EYS: variants seen among roughly 807,000 people sequenced by gnomAD.
EYS encodes protein eyes shut homolog.
In EYS, 250 loss-of-function variants were observed where a neutral mutation model predicts 282.1. The ratio of observed to expected loss-of-function variants is 0.89; its 90% CI spans 0.80 to 0.98. The LOEUF is 0.98. EYS is among the 50% of genes least tolerant of loss of function. The pLI is 0.00. For synonymous variants in EYS, 1,355 were observed against 1,282.9 expected, an observed-to-expected ratio of 1.06 and a Z score of -1.20; for missense variants, 4,016 against 3,709.0, an observed-to-expected ratio of 1.08 and a Z score of -2.15.
intron 29 of EYS, among the ~76,000 whole-genome samples, chr6:64,341,538 A>C (rs1488076085): frequency 6.6e-6 from 1 of 151,708 alleles, no homozygotes; most frequent in Non-Finnish European, 1.5e-5. Flanking sequence ...GCTATGGACT[A>C]CTAGAGGGAG....
At chr6:64,151,309 GTGTATATTTA>G (rs1396386562) in intron 31 of EYS, among the ~76,000 whole-genome samples, 10 of 89,778 alleles carry the variant, frequency 1.1e-4, no homozygotes, top group South Asian at 3.5e-4. Flanking sequence ...ACGTGTGTGT[GTGTATATTTA>G]TATATATATA....
chr6:64,756,643 C>A (rs1289304972), intron 22 of EYS, among the ~76,000 whole-genome samples: 1 of 152,120 alleles, frequency 6.6e-6, no homozygotes, highest in African/African-American at 2.4e-5. Flanking sequence ...GAAAACAGAA[C>A]CTTATTAAAA....
intron 1 of EYS, among the ~76,000 whole-genome samples, chr6:65,701,671 A>AT (rs1300388984): frequency 1.3e-5 from 2 of 151,620 alleles, no homozygotes; most frequent in Admixed American, 6.6e-5. Context: ...TTATTTCTTG[A>AT]TTTTTTTTCT....
chr6:63,753,148 A>ATATATATATATATATATG (rs889418033), intron 41 of EYS, among the ~76,000 whole-genome samples: 5 of 115,632 alleles, frequency 4.3e-5, no homozygotes, highest in Admixed American at 1.7e-4. Flanking sequence ...GTGTATATAT[A>ATATATATATATATATATG]TATATATATA....
intron 14 of EYS, among the ~76,000 whole-genome samples, chr6:64,950,794 T>TAC (rs1187421212): frequency 0.049 from 3,584 of 73,056 alleles, 101 homozygotes; most frequent in Non-Finnish European, 0.061. Context: ...CACATATACA[T>TAC]ATACATATAT....
intron 12 of EYS, among the ~76,000 whole-genome samples, chr6:65,293,988 C>A (rs1204652340): frequency 2.6e-5 from 4 of 151,208 alleles, no homozygotes; most frequent in Non-Finnish European, 5.9e-5. Context: ...GGAGAGAAAG[C>A]AAATGGAGGG....
intron 31 of EYS, among the ~76,000 whole-genome samples, chr6:64,135,900 T>C (rs1214883542): frequency 6.6e-6 from 1 of 152,046 alleles, no homozygotes; most frequent in Non-Finnish European, 1.5e-5. Flanking sequence ...GGGATGGCTA[T>C]GGGCATTTCT....
intron 33 of EYS, among the ~76,000 whole-genome samples, chr6:64,023,706 C>T (rs1401277136): frequency 6.6e-6 from 1 of 152,252 alleles, no homozygotes; most frequent in African/African-American, 2.4e-5. Context: ...CCTGCCGCTG[C>T]ACTGTGGGAG....
intron 30 of EYS, among the ~76,000 whole-genome samples, chr6:64,274,232 G>A (rs1768032881): frequency 2.0e-5 from 3 of 152,174 alleles, no homozygotes; most frequent in Admixed American, 1.3e-4. Context: ...CCTGAGTGCA[G>A]TAGTGTGATC....
chr6:65,438,036 G>GT (rs1768147127), intron 5 of EYS, among the ~76,000 whole-genome samples: 1 of 128,270 alleles, frequency 7.8e-6, no homozygotes, highest in African/African-American at 3.0e-5. Context: ...GCCTCAGTGT[G>GT]TGATGTTCCC....
chr6:65,459,550 C>T (rs1327590970), intron 5 of EYS, among the ~76,000 whole-genome samples: 1 of 151,666 alleles, frequency 6.6e-6, no homozygotes, highest in Non-Finnish European at 1.5e-5. Context: ...TTAAATCTGA[C>T]AATTTAATGA....
At chr6:64,436,799 A>G (rs976708452) in intron 27 of EYS, among the ~76,000 whole-genome samples, 7 of 151,830 alleles carry the variant, frequency 4.6e-5, no homozygotes, top group East Asian at 1.9e-4. Flanking sequence ...AATCATGTCT[A>G]TATCAGGTAT....
chr6:64,189,571 G>A (rs528918478), intron 31 of EYS, among the ~76,000 whole-genome samples: 4 of 152,254 alleles, frequency 2.6e-5, no homozygotes, highest in Admixed American at 1.3e-4. Flanking sequence ...TGCCGTGAAG[G>A]TGTTTTGTAG....
intron 5 of EYS, among the ~76,000 whole-genome samples, chr6:65,445,829 C>A (rs1768632012): frequency 1.3e-5 from 2 of 151,630 alleles, no homozygotes; most frequent in Middle Eastern, 3.2e-3. Flanking sequence ...ATTTTAGAAA[C>A]AAGTTAATAT....
chr6:64,694,084 A>T (rs1280022989), intron 22 of EYS, among the ~76,000 whole-genome samples: 1 of 152,192 alleles, frequency 6.6e-6, no homozygotes, highest in Non-Finnish European at 1.5e-5. Flanking sequence ...TCTATACAAA[A>T]TTTATTGTTC....
chr6:64,394,606 C>G (rs972426315), intron 28 of EYS, among the ~76,000 whole-genome samples: 7 of 151,834 alleles, frequency 4.6e-5, no homozygotes, highest in African/African-American at 1.7e-4. Context: ...GGATCCCTTC[C>G]TTACACCTTA....
chr6:63,975,442 GA>G (rs1185629441), intron 35 of EYS, among the ~76,000 whole-genome samples: 7 of 151,862 alleles, frequency 4.6e-5, no homozygotes, highest in Non-Finnish European at 5.9e-5. Flanking sequence ...GGATGTTCTA[GA>G]AAAAAAGAAA....
intron 29 of EYS, among the ~76,000 whole-genome samples, chr6:64,387,063 T>C (rs147511338): frequency 6.6e-6 from 1 of 152,146 alleles, no homozygotes; most frequent in Non-Finnish European, 1.5e-5. Context: ...CACTCACCTA[T>C]CCAAAATCAA....
chr6:65,234,398 A>G (rs1261393605), intron 12 of EYS, among the ~76,000 whole-genome samples: 1 of 152,184 alleles, frequency 6.6e-6, no homozygotes, highest in Admixed American at 6.6e-5. Context: ...TCAAAGTCTC[A>G]GATTTCTTTG....
Sources: gnomAD v4.1 joint callset for allele counts (sites outside exome capture counted in the v4.1 genomes callset) on GRCh38, gnomAD v4.1.1 for gene constraint, MANE v1.5 for transcripts, NCBI Gene and HGNC (gene_info 2026-07-23, HGNC 2026-07-21) for gene names.